The following LRRC49 variants were observed in gnomAD, a reference collection of about 807,000 sequenced individuals.
LRRC49 encodes leucine-rich repeat-containing protein 49.
In LRRC49, 50 loss-of-function variants were observed where a neutral mutation model predicts 83.3. The ratio of observed to expected loss-of-function variants is 0.60; its 90% confidence interval spans 0.48 to 0.76. LRRC49 has a LOEUF of 0.76. Among genes scored for constraint, LRRC49 ranks in the 30% least tolerant of loss-of-function variants. LRRC49 has a pLI of 0.00. For synonymous variants in LRRC49, 286 were observed against 283.3 expected (o/e 1.01, Z -0.10); for missense variants, 704 against 809.1 (o/e 0.87, Z 1.58).
intron 14 of LRRC49, among the ~76,000 whole-genome samples, chr15:71,016,401 A>G (rs562527529): frequency 3.5e-4 from 54 of 152,258 alleles, no homozygotes; most frequent in African/African-American, 1.3e-3. Context: ...TCTTTAATGT[A>G]CTTATTAGAA....
At chr15:70,871,418 CG>C (rs905889538) in intron 1 of LRRC49, among the ~76,000 whole-genome samples, 7 of 152,304 alleles carry the variant, frequency 4.6e-5, no homozygotes, top group Middle Eastern at 3.4e-3. Context: ...CCTCTCTACT[CG>C]ACAAAACCCC....
intron 11 of LRRC49, among the ~76,000 whole-genome samples, chr15:70,987,268 A>T (rs1365319200): frequency 6.6e-6 from 1 of 151,276 alleles, no homozygotes; most frequent in Non-Finnish European, 1.5e-5. Flanking sequence ...CTGGTCCTGG[A>T]CTCTTTTTGG....
At chr15:70,867,674 A>G (rs753494031) in intron 1 of LRRC49, among the ~76,000 whole-genome samples, 1 of 152,228 alleles carries the variant, frequency 6.6e-6, no homozygotes, top group African/African-American at 2.4e-5. Flanking sequence ...TGAAGATGCC[A>G]TGGGCCTAAC....
At chr15:70,854,391 G>A (rs537954350) in intron 1 of LRRC49, among the ~76,000 whole-genome samples, 35 of 152,268 alleles carry the variant, frequency 2.3e-4, no homozygotes, top group African/African-American at 8.4e-4. Flanking sequence ...CACTCCCTCC[G>A]TCTTTTCGCC....
chr15:71,046,698 G>GT (rs1302655942), intron 15 of LRRC49, among the ~76,000 whole-genome samples: 2 of 152,144 alleles, frequency 1.3e-5, no homozygotes, highest in Admixed American at 6.5e-5. Flanking sequence ...AAGCTCTTTA[G>GT]TTTAATTAAG....
At chr15:70,962,661 C>A (rs2036644901) in intron 8 of LRRC49, among the ~76,000 whole-genome samples, 1 of 151,778 alleles carries the variant, frequency 6.6e-6, no homozygotes, top group African/African-American at 2.4e-5. Flanking sequence ...GACATAGAAG[C>A]CAATTGAAAG....
At chr15:71,036,556 C>T (rs2039525283) in intron 14 of LRRC49, among the ~76,000 whole-genome samples, 1 of 152,204 alleles carries the variant, frequency 6.6e-6, no homozygotes, top group African/African-American at 2.4e-5. Flanking sequence ...GAGGACGAAT[C>T]ATGGCTGATG....
intron 14 of LRRC49, among the ~76,000 whole-genome samples, chr15:71,028,673 G>A (rs1030143201): frequency 6.6e-6 from 1 of 152,146 alleles, no homozygotes; most frequent in African/African-American, 2.4e-5. Flanking sequence ...TTAGTCTTGG[G>A]AGGGTGTATG....
At chr15:70,862,137 A>G (rs1217942301) in intron 1 of LRRC49, among the ~76,000 whole-genome samples, 14 of 152,196 alleles carry the variant, frequency 9.2e-5, no homozygotes, top group Admixed American at 3.3e-4. Context: ...TCCGGCCTGA[A>G]GGGCGAGCCC....
At chr15:71,030,861 C>T (rs192834070) in intron 14 of LRRC49, among the ~76,000 whole-genome samples, 1 of 151,950 alleles carries the variant, frequency 6.6e-6, no homozygotes, top group African/African-American at 2.4e-5. Context: ...TGTTTTTCAG[C>T]TCCATCAGGT....
At chr15:70,857,515 G>A (rs1313504692) in intron 1 of LRRC49, among the ~76,000 whole-genome samples, 1 of 152,068 alleles carries the variant, frequency 6.6e-6, no homozygotes, top group African/African-American at 2.4e-5. Context: ...AAAAAAAGGG[G>A]TCTGTTTTAA....
chr15:70,951,450 G>A (rs892626576), intron 8 of LRRC49, among the ~76,000 whole-genome samples: 1 of 151,994 alleles, frequency 6.6e-6, no homozygotes, highest in Non-Finnish European at 1.5e-5. Context: ...GCAATGCATT[G>A]TATTGCTCAT....
intron 14 of LRRC49, among the ~76,000 whole-genome samples, chr15:71,027,379 T>C (rs2039206938): frequency 6.6e-6 from 1 of 152,236 alleles, no homozygotes; most frequent in Non-Finnish European, 1.5e-5. Flanking sequence ...GGTAGCGTGA[T>C]GCCTCCAGCT....
At position 71,051,418 on chromosome 15, in the gene LRRC49, T is replaced by G. The variant is rs905744305; in HGVS notation, c.*1806T>G. The G allele has an allele frequency of 1.3e-5, 2 of 152,234 alleles. No individual in the cohort carries two copies. Among genetic ancestry groups the G allele is most frequent in the African/African-American group, 2.4e-5 (1 of 41,440 alleles). The allele number at this position is 152,234 out of a possible 1,614,324, so 9.4% of individuals were successfully genotyped here. ...CCTTTAGCCTCTCCAAACTGAAACA[T>G]ATGGACCATTTCTCATCTGGCTAGT... On this transcript the variant is annotated 3_prime_UTR_variant, in exon 16 of 16. Transcript: ENST00000260382.
chr15:70,947,419 T>C (rs549152800), intron 8 of LRRC49, among the ~76,000 whole-genome samples: 14 of 152,262 alleles, frequency 9.2e-5, no homozygotes, highest in Non-Finnish European at 1.8e-4. Flanking sequence ...GTTAAACATA[T>C]GACTTTTGTT....
intron 1 of LRRC49, 145 bp downstream of exon 1, chr15:70,893,087 G>A: frequency 1.1e-6 from 1 of 898,406 alleles, no homozygotes. Context: ...GAGGTTCGTG[G>A]GCTGGACCAA....
chr15:71,008,111 G>C (rs1255725544), intron 11 of LRRC49, among the ~76,000 whole-genome samples: 1 of 151,720 alleles, frequency 6.6e-6, no homozygotes, highest in Non-Finnish European at 1.5e-5. Flanking sequence ...AAACTAAAGG[G>C]AATATTAGTT....
At chr15:70,968,610 G>A (rs2036879265) in intron 9 of LRRC49, among the ~76,000 whole-genome samples, 1 of 152,158 alleles carries the variant, frequency 6.6e-6, no homozygotes, top group African/African-American at 2.4e-5. Context: ...CAGTGTAAAA[G>A]CATTCCTATT....
At chr15:70,877,267 T>C (rs2033170806) in intron 2 of LRRC49, among the ~76,000 whole-genome samples, 1 of 152,220 alleles carries the variant, frequency 6.6e-6, no homozygotes, top group Non-Finnish European at 1.5e-5. Flanking sequence ...TAATACAATG[T>C]ATGTATTAAT....
Sources: gnomAD v4.1 joint callset for allele counts (sites outside exome capture counted in the v4.1 genomes callset) on GRCh38, gnomAD v4.1.1 for gene constraint, MANE v1.5 for transcripts, NCBI Gene and HGNC (gene_info 2026-07-23, HGNC 2026-07-21) for gene names.